COL5A3: variants seen among roughly 807,000 people sequenced by gnomAD.
COL5A3 encodes collagen type V alpha 3 chain, also known as collagen alpha-3(V) chain.
Under a neutral mutation model 250.0 loss-of-function variants are expected in COL5A3, and 172 were observed. The ratio of observed to expected loss-of-function variants is 0.69; its 90% confidence interval spans 0.61 to 0.78. COL5A3 has a LOEUF of 0.78. Among genes scored for constraint, COL5A3 ranks in the 30% least tolerant of loss-of-function variants. The pLI is 0.00. For missense variants in COL5A3, 2,340 were observed against 2,334.4 expected (o/e 1.00, Z -0.05); for synonymous variants, 937 against 900.4 (o/e 1.04, Z -0.73).
Position 9,967,408 on chromosome 19 carries a change from G to A in COL5A3, c.4405-8C>T. The A allele has an allele frequency of 1.3e-6, 2 of 1,500,772 alleles. No homozygotes were observed. Among genetic ancestry groups the A allele is most frequent in the South Asian group, 1.4e-5 (1 of 72,438 alleles). 93.0% of individuals were successfully genotyped at this position (1,500,772 alleles called of 1,614,324 possible). ...ACGGGGGCCCATGGACCCCTGTAGG[G>A]AGAAGTCACTTGGAGAATGAACCCT... On this transcript the variant is annotated splice_region_variant and splice_polypyrimidine_tract_variant and intron_variant, in intron 61 of 66. Coordinates refer to ENST00000264828, the MANE Select transcript of COL5A3 (RefSeq NM_015719.4).
intron 11 of COL5A3, 90 bp from the exon 12 acceptor site, chr19:9,996,779 A>G (rs199926133): frequency 4.7e-6 from 4 of 851,944 alleles, no homozygotes; most frequent in South Asian, 1.8e-5. Context: ...ATGAGTCAGA[A>G]AGAGAGAGAG....
At chr19:9,974,894 T>G (rs958835098) in intron 45 of COL5A3, among the ~76,000 whole-genome samples, 1 of 152,068 alleles carries the variant, frequency 6.6e-6, no homozygotes, top group Admixed American at 6.5e-5. Flanking sequence ...TGTTTGTTTG[T>G]TTTTGTTTTT....
chr19:9,972,628 G>C (rs1179126807), intron 51 of COL5A3, among the ~76,000 whole-genome samples: 1 of 151,376 alleles, frequency 6.6e-6, no homozygotes, highest in Non-Finnish European at 1.5e-5. Context: ...ACGAGGTCAG[G>C]AGATCGAGAC....
Position 9,967,994 on chromosome 19 carries a change from C to A in COL5A3, c.4368+32G>T, listed in dbSNP as rs755405036. 27 of 1,596,602 alleles carry A rather than the reference C, an allele frequency of 1.7e-5. No individual in the cohort carries two copies. In the South Asian group the frequency reaches 3.0e-4, roughly 18 times the overall value. ...TCCTGGCCTGGACCACCACAGTGAC[C>A]TCATCCCACAAAAGATTCCCTGCAT... On this transcript the variant is annotated intron_variant, in intron 60 of 66. Coordinates refer to ENST00000264828, the MANE Select transcript of COL5A3 (RefSeq NM_015719.4).
At chr19:9,987,484 C>T (rs1027847811) in intron 27 of COL5A3, among the ~76,000 whole-genome samples, 2 of 152,126 alleles carry the variant, frequency 1.3e-5, no homozygotes, top group African/African-American at 4.8e-5. Context: ...CACCTGTAAT[C>T]CCAACATTTT....
intron 61 of COL5A3, 99 bp from the exon 62 acceptor site, chr19:9,967,499 A>ACACACACT (rs1163785295): frequency 3.7e-6 from 2 of 546,140 alleles, no homozygotes; most frequent in Non-Finnish European, 5.9e-6. Flanking sequence ...ACACACTCAC[A>ACACACACT]CACACACAGT....
Position 9,969,355 on chromosome 19 carries a change from G to A in COL5A3, c.4146C>T (p.Gly1382=), listed in dbSNP as rs2086795956. 1.3e-6 allele frequency: 2 copies of A among 1,599,782 alleles called. No individual in the cohort carries two copies. Among genetic ancestry groups the A allele is most frequent in the South Asian group, 1.1e-5 (1 of 89,126 alleles). Reference sequence around the variant, plus strand: ...GGATGAACAAGTCTCTTACCAGGGGGCCAGGAGGGCCCATCTGTCCAGGGG... The same window carrying A: ...GGATGAACAAGTCTCTTACCAGGGGACCAGGAGGGCCCATCTGTCCAGGGG... ...LGAPGQMGPP[G]PLGPSGLPGL... is the part of the protein sequence containing the mutation. Residue 1382 remains glycine (G), a synonymous_variant, in exon 57 of 67, where the codon GGC becomes GGT. Coordinates refer to ENST00000264828, the MANE Select transcript of COL5A3 (RefSeq NM_015719.4).
chr19:9,989,295 A>G (rs766293538), intron 26 of COL5A3, 27 bp downstream of exon 26: 1 of 1,613,982 alleles, frequency 6.2e-7, no homozygotes, highest in South Asian at 1.1e-5. Flanking sequence ...CTCGTCCCCA[A>G]CCCAGCCTAA....
At position 9,983,615 on chromosome 19, in the gene COL5A3, A is replaced by G. The variant is rs972299491; in HGVS notation, c.2407-1497T>C. ...AAGAAAGAAAGAGAAAGAGAGAGAG[A>G]GAGAAAGAAAGAAAGAAGAGAGAGA... On this transcript the variant is annotated intron_variant, in intron 31 of 66. Coordinates refer to ENST00000264828, the MANE Select transcript of COL5A3 (RefSeq NM_015719.4). 2.1e-4 allele frequency among the ~76,000 whole-genome samples: 28 copies of G among 132,724 alleles called. 2 individuals are homozygous for G. The highest frequency in any genetic ancestry group is 6.7e-5 in the Non-Finnish European group (4 of 59,478). 87.1% of individuals were successfully genotyped at this position (132,724 alleles called of 152,430 possible).
Position 10,003,699 on chromosome 19 carries a change from G to T in COL5A3, c.715C>A (p.Pro239Thr). ...PAATVAPQGE[P>T]ETPRPRRKGK... Reference sequence around the variant, plus strand: ...TTCCGCCGAGGACGAGGGGTTTCTGGTTCACCCTGGGGAGCCTGGGAGAAG... The same window carrying T: ...TTCCGCCGAGGACGAGGGGTTTCTGTTTCACCCTGGGGAGCCTGGGAGAAG... The change falls in exon 6 of 67, where the codon CCA (proline) becomes ACA (threonine). Residue 239 changes from proline (P) to threonine (T), a missense_variant. Transcript: ENST00000264828. 1.2e-6 allele frequency: 2 copies of T among 1,614,040 alleles called. No individual in the cohort carries two copies. Among genetic ancestry groups the T allele is most frequent in the East Asian group, 4.5e-5 (2 of 44,874 alleles).
chr19:9,978,952 C>T lies in COL5A3; in HGVS notation c.2903G>A (p.Gly968Glu). 2 of 1,534,782 alleles carry T rather than the reference C, an allele frequency of 1.3e-6. No homozygotes were observed. The highest frequency in any genetic ancestry group is 1.7e-6 in the Non-Finnish European group (2 of 1,144,322). ...CCTGAGTCCAGCTGGCCCTTCTTTCCCAAGGGGTCCTGGTGGTCCCAGTTC... is the reference window on the plus strand; with the variant it reads ...CCTGAGTCCAGCTGGCCCTTCTTTCTCAAGGGGTCCTGGTGGTCCCAGTTC... The part of the protein sequence containing the change: ...KGELGPPGPL[G>E]KEGPAGLRGF... Residue 968 changes from glycine to glutamate, a missense_variant, in exon 40 of 67, where the codon GGG becomes GAG. This residue lies in a region of COL5A3 where 1,179 missense variants were observed against 1,162.6 expected (regional missense o/e 1.01). Coordinates refer to ENST00000264828, the MANE Select transcript of COL5A3 (RefSeq NM_015719.4).
intron 16 of COL5A3, among the ~76,000 whole-genome samples, chr19:9,994,825 G>A (rs2087246854): frequency 6.6e-6 from 1 of 151,602 alleles, no homozygotes; most frequent in Non-Finnish European, 1.5e-5. Context: ...ACTATAGTAA[G>A]TATTTGTATG....
chr19:10,005,965 A>C lies in COL5A3; in HGVS notation c.268T>G (p.Phe90Val). The C allele has an allele frequency of 1.9e-6, 3 of 1,613,694 alleles. No individual in the cohort carries two copies. Among genetic ancestry groups the C allele is most frequent in the Middle Eastern group, 1.6e-4 (1 of 6,062 alleles). The change falls in exon 3 of 67, where the codon TTC becomes GTC. Residue 90 changes from phenylalanine (F) to valine (V), a missense_variant. By Grantham distance (50) the Phe-to-Val change is conservative. Transcript: ENST00000264828. ...LFPEGHFPEN[F>V]SLLITLRGQP... The stretch of plus-strand genomic sequence containing the variant: ...CCCCGCAAGGTGATCAGCAAGGAGA[A>C]GTTCTCAGGAAAGTGGCCTTCTGGG...
At chr19:9,989,552 C>A in intron 24 of COL5A3, 30 bp from the exon 25 acceptor site, 1 of 1,582,182 alleles carries the variant, frequency 6.3e-7, no homozygotes, top group Admixed American at 1.8e-5. Context: ...AGGGGAGAGA[C>A]AGAGGTGCTC....
chr19:9,977,261 G>T lies in COL5A3; in HGVS notation c.3256C>A (p.His1086Asn), dbSNP rs965413985. The change falls in exon 44 of 67, where the codon CAC becomes AAC. Residue 1086 changes from histidine to asparagine, a missense_variant. This residue lies in a region of COL5A3 where 1,179 missense variants were observed against 1,162.6 expected (regional missense o/e 1.01). Transcript: ENST00000264828. ...GDKGDVGAPGHKGSKGDKGDA... is the reference protein window; with the variant it reads ...GDKGDVGAPGNKGSKGDKGDA... Reference sequence around the variant, plus strand: ...CCTTTATCGCCTTTACTCCCCTTGTGTCCGGGGGCACCCACATCCCCCTGC... The same window carrying T: ...CCTTTATCGCCTTTACTCCCCTTGTTTCCGGGGGCACCCACATCCCCCTGC... 1 of 1,613,836 alleles carries T rather than the reference G, an allele frequency of 6.2e-7. No individual in the cohort carries two copies. Among genetic ancestry groups the T allele is most frequent in the Non-Finnish European group, 8.5e-7 (1 of 1,179,986 alleles).
At chr19:9,978,489 G>C (rs753748895) in intron 41 of COL5A3, 85 bp downstream of exon 41, 1 of 906,400 alleles carries the variant, frequency 1.1e-6, no homozygotes, top group Non-Finnish European at 1.8e-6. Flanking sequence ...CTCCATCATG[G>C]GTTTTATCAT....
rs377194843 is a variant in COL5A3 at position 9,971,241 on chromosome 19, G to A, written c.3792C>T (p.Pro1264=). ...AKGSVGPTGL[P]GDLGPPGDPG... is the part of the protein sequence containing the mutation. ...GGTCTCCTGGGGGCCCTAGATCTCC[G>A]GGCAGCCCCGTGGGGCCCTGGAACA... Residue 1264 remains proline, a synonymous_variant, in exon 52 of 67, where the codon CCC becomes CCT. Coordinates refer to ENST00000264828, the MANE Select transcript of COL5A3 (RefSeq NM_015719.4). 7.8e-5 allele frequency: 122 copies of A among 1,563,394 alleles called. 1 individual carries two copies. In the Admixed American group the frequency reaches 1.1e-3, roughly 15 times the overall value.
chr19:9,960,902 A>G lies in COL5A3; in HGVS notation c.4852-12T>C. The G allele has an allele frequency of 6.2e-7, 1 of 1,600,134 alleles. No homozygotes were observed. The highest frequency in any genetic ancestry group is 8.5e-7 in the Non-Finnish European group (1 of 1,179,504). On this transcript the variant is annotated splice_polypyrimidine_tract_variant and intron_variant, in intron 65 of 66. Transcript: ENST00000264828. ...TCCACGTAGGAGAACTGGTGAGAGG[A>G]GGGCAAGGCAGAGGATGAGGGGCTC...
chr19:9,972,846 A>C, intron 51 of COL5A3, 73 bp downstream of exon 51: 1 of 1,221,668 alleles, frequency 8.2e-7, no homozygotes, highest in Non-Finnish European at 1.1e-6. Context: ...AAAAAAAAAA[A>C]AAGTTTGGGA....
Sources: gnomAD v4.1 joint callset for allele counts (sites outside exome capture counted in the v4.1 genomes callset) on GRCh38, gnomAD v4.1.1 for gene constraint, gnomAD v4.1.1 regional missense constraint, MANE v1.5 for transcripts, NCBI Gene and HGNC (gene_info 2026-07-23, HGNC 2026-07-21) for gene names.